NEURL1: variants seen among roughly 807,000 people sequenced by gnomAD.
The protein encoded by NEURL1 is E3 ubiquitin-protein ligase NEURL1.
In NEURL1, 26 loss-of-function variants were observed where a neutral mutation model predicts 41.2. The observed-to-expected ratio is 0.63, with a 90% CI of 0.46 to 0.87. The LOEUF (loss-of-function observed/expected upper bound fraction) is 0.87. Among genes scored for constraint, NEURL1 ranks in the 40% least tolerant of loss-of-function variants. The pLI is 0.00. For synonymous variants in NEURL1, 400 were observed against 402.3 expected (o/e 0.99, Z 0.07); for missense variants, 761 against 871.1 (o/e 0.87, Z 1.59).
chr10:103,509,026 C>T (rs148254717), intron 1 of NEURL1, among the ~76,000 whole-genome samples: 1,531 of 152,136 alleles, frequency 0.01, 20 homozygotes, highest in African/African-American at 0.034. Context: ...GTCAGGAGTT[C>T]GAGACCAGCC....
chr10:103,561,612 C>T (rs772926165), intron 1 of NEURL1, among the ~76,000 whole-genome samples: 15 of 152,170 alleles, frequency 9.9e-5, no homozygotes, highest in African/African-American at 3.4e-4. Flanking sequence ...GCCCAACCCA[C>T]GCTTAAGGGG....
chr10:103,568,559 A>G (rs1168522052), intron 1 of NEURL1, among the ~76,000 whole-genome samples: 1 of 152,196 alleles, frequency 6.6e-6, no homozygotes, highest in African/African-American at 2.4e-5. Flanking sequence ...TGGAGGTGTA[A>G]TTGACATACA....
intron 5 of NEURL1, 102 bp downstream of exon 5, chr10:103,589,762 G>A: frequency 1.4e-6 from 2 of 1,469,084 alleles, no homozygotes; most frequent in Non-Finnish European, 1.8e-6. Flanking sequence ...CTGGAGTTGG[G>A]CTCAGTAAAC....
intron 1 of NEURL1, among the ~76,000 whole-genome samples, chr10:103,510,487 G>A (rs766284841): frequency 6.6e-6 from 1 of 152,226 alleles, no homozygotes; most frequent in Non-Finnish European, 1.5e-5. Flanking sequence ...GGTCCCTGGG[G>A]CTTGGCATGT....
chr10:103,587,405 G>T (rs538159461), intron 4 of NEURL1, among the ~76,000 whole-genome samples: 1 of 152,304 alleles, frequency 6.6e-6, no homozygotes, highest in African/African-American at 2.4e-5. Flanking sequence ...GCCAAGGTGG[G>T]TGTTGAAGAA....
chr10:103,494,362 C>G lies in NEURL1; in HGVS notation c.-26C>G. The G allele has an allele frequency of 6.4e-7, 1 of 1,556,900 alleles. No individual in the cohort carries two copies. Among genetic ancestry groups the G allele is most frequent in the Non-Finnish European group, 8.7e-7 (1 of 1,148,754 alleles). ...GCCCGGCCTCGCCCCCACCCGCGAG[C>G]GCCGAACCTCCTGGGGCCGGATGCC... On this transcript the variant is annotated 5_prime_UTR_variant, in exon 1 of 6. Coordinates refer to ENST00000369780, the MANE Select transcript of NEURL1 (RefSeq NM_004210.5).
chr10:103,574,578 G>A (rs1415735671), intron 3 of NEURL1, among the ~76,000 whole-genome samples: 1 of 152,238 alleles, frequency 6.6e-6, no homozygotes, highest in East Asian at 1.9e-4. Flanking sequence ...AGTGGGGGAG[G>A]ATGGAGGCCA....
In NEURL1 at chr10:103,523,730, C is replaced by T. The variant is rs144607179; in HGVS notation, c.85+29258C>T. ...TTCTGTACCTGGCTTATTTCAATATCGTAATGTCCTCTGAGCTCATTCATA... is the reference window on the plus strand; with the variant it reads ...TTCTGTACCTGGCTTATTTCAATATTGTAATGTCCTCTGAGCTCATTCATA... On this transcript the variant is annotated intron_variant, in intron 1 of 5. Transcript: ENST00000369780. Among the ~76,000 whole-genome samples the T allele has an allele frequency of 1.8e-3, 271 of 152,206 alleles. 3 individuals carry two copies. Among genetic ancestry groups the T allele is most frequent in the Non-Finnish European group, 7.1e-4 (48 of 68,008 alleles).
At chr10:103,530,836 G>A (rs1212641771) in intron 1 of NEURL1, among the ~76,000 whole-genome samples, 1 of 151,926 alleles carries the variant, frequency 6.6e-6, no homozygotes, top group Non-Finnish European at 1.5e-5. Context: ...CACCACACCT[G>A]GCCATGATTT....
intron 1 of NEURL1, among the ~76,000 whole-genome samples, chr10:103,511,077 C>G (rs2034058670): frequency 6.6e-6 from 1 of 152,196 alleles, no homozygotes; most frequent in African/African-American, 2.4e-5. Context: ...AGAGGCCCTC[C>G]TTTGTTTTAC....
rs777842881 is a variant in NEURL1 at position 103,589,411 on chromosome 10, G to C, written c.1340-103G>C. 2.7e-5 allele frequency: 35 copies of C among 1,310,746 alleles called. 1 individual carries two copies. The Middle Eastern group carries it at 5.6e-3, about 209-fold the overall frequency. 81.2% of individuals were successfully genotyped at this position (1,310,746 alleles called of 1,614,324 possible). ...AATCCCGCTCTTGGCCCTGTGGCTG[G>C]GCTGTGTGGTCAGGCCTGGGAACCC... is the stretch of plus-strand genomic sequence containing the variant. On this transcript the variant is annotated intron_variant, in intron 4 of 5. Transcript: ENST00000369780.
At chr10:103,568,917 T>G (rs543976490) in intron 1 of NEURL1, among the ~76,000 whole-genome samples, 37 of 152,276 alleles carry the variant, frequency 2.4e-4, no homozygotes, top group African/African-American at 8.4e-4. Flanking sequence ...TGGGTTCAAG[T>G]GATTCTCCTG....
rs777671069 is a variant in NEURL1, at chr10:103,584,667, G to C, written c.781G>C (p.Asp261His). 10 of 1,428,060 alleles carry C rather than the reference G, an allele frequency of 7.0e-6. No individual in the cohort carries two copies. Among genetic ancestry groups the C allele is most frequent in the Non-Finnish European group, 9.1e-6 (10 of 1,097,172 alleles). 88.5% of individuals were successfully genotyped at this position (1,428,060 alleles called of 1,614,324 possible). The change falls in exon 4 of 6, where the codon GAC becomes CAC. Residue 261 changes from aspartate (D) to histidine (H), a missense_variant. Asp to His is a moderately conservative substitution (Grantham distance 81, BLOSUM62 -1). This residue lies in a region of NEURL1 where 443 missense variants were observed against 408.1 expected (regional missense o/e 1.09). Transcript: ENST00000369780. ...ATGCGACCTCAACGTGCCGGGCGCGGACGGCGACGAGGCCGCGCCGGCCGC... is the reference window on the plus strand; with the variant it reads ...ATGCGACCTCAACGTGCCGGGCGCGCACGGCGACGAGGCCGCGCCGGCCGC... ...SLCDLNVPGA[D>H]GDEAAPAAGC... is the part of the protein sequence containing the mutation.
Position 103,570,853 on chromosome 10 carries a change from G to A in NEURL1, c.86-19G>A, listed in dbSNP as rs371356010. On this transcript the variant is annotated intron_variant, in intron 1 of 5. Transcript: ENST00000369780. ...TGGACCCGCCAAGTTCTCTGACACC[G>A]TGGCCTGTTCCTTTGCAGACTCTAT... 7.1e-5 allele frequency: 114 copies of A among 1,605,602 alleles called. 3 individuals are homozygous for A. The highest frequency in any genetic ancestry group is 2.5e-4 in the East Asian group (11 of 44,724).
chr10:103,552,853 C>G (rs1394734056), intron 1 of NEURL1, among the ~76,000 whole-genome samples: 2 of 152,146 alleles, frequency 1.3e-5, no homozygotes, highest in Non-Finnish European at 2.9e-5. Context: ...TTAGGAGATG[C>G]CCAGCTCAGG....
In NEURL1 at chr10:103,573,519, C is replaced by G. The variant is rs144324586; in HGVS notation, c.649+1697C>G. Among the ~76,000 whole-genome samples, 5 of 152,308 alleles carry G rather than the reference C, an allele frequency of 3.3e-5. No homozygotes were observed. The East Asian group carries it at 7.7e-4, about 23-fold the overall frequency. ...CCATTCTGGGGAGGACAGTTCTTCA[C>G]TCAGGGCTCAAGTGAATGCCTTGGT... On this transcript the variant is annotated intron_variant, in intron 3 of 5. Coordinates refer to ENST00000369780, the MANE Select transcript of NEURL1 (RefSeq NM_004210.5).
At chr10:103,548,439 C>T (rs1191046546) in intron 1 of NEURL1, among the ~76,000 whole-genome samples, 5 of 152,194 alleles carry the variant, frequency 3.3e-5, no homozygotes, top group Admixed American at 6.5e-5. Flanking sequence ...TCTCCTGCCT[C>T]GGCCTCCCGA....
chr10:103,551,827 G>T (rs1261324053), intron 1 of NEURL1, among the ~76,000 whole-genome samples: 2 of 152,158 alleles, frequency 1.3e-5, no homozygotes, highest in Admixed American at 6.5e-5. Flanking sequence ...CTTTTAGACT[G>T]CAGTGTCAAA....
At chr10:103,524,036 T>G (rs905635929) in intron 1 of NEURL1, among the ~76,000 whole-genome samples, 1 of 152,222 alleles carries the variant, frequency 6.6e-6, no homozygotes, top group Non-Finnish European at 1.5e-5. Flanking sequence ...CCATAATGGC[T>G]GTACTAATTT....
Sources: gnomAD v4.1 joint callset for allele counts (sites outside exome capture counted in the v4.1 genomes callset) on GRCh38, gnomAD v4.1.1 for gene constraint, gnomAD v4.1.1 regional missense constraint, MANE v1.5 for transcripts, NCBI Gene and HGNC (gene_info 2026-07-23, HGNC 2026-07-21) for gene names.